NBN: variants seen among roughly 807,000 people sequenced by gnomAD.
NBN encodes the protein nibrin.
Under a neutral mutation model 90.8 loss-of-function variants are expected in NBN, and 88 were observed. That is an observed-to-expected ratio of 0.97 (90% confidence interval 0.82 to 1.16). The LOEUF is 1.16. NBN is among the 50% of genes most tolerant of loss of function. NBN has a pLI of 0.00. For synonymous variants in NBN, 328 were observed against 295.1 expected, an observed-to-expected ratio of 1.11 and a Z score of -1.14; for missense variants, 894 against 869.6, an observed-to-expected ratio of 1.03 and a Z score of -0.35.
intron 11 of NBN, among the ~76,000 whole-genome samples, chr8:89,952,326 A>AT (rs1338919596): frequency 1.3e-5 from 2 of 152,194 alleles, no homozygotes; most frequent in Middle Eastern, 3.2e-3. Flanking sequence ...CTGGGAATCT[A>AT]TATTTTAGAA....
rs1811453358 is a variant in NBN at position 89,970,413 on chromosome 8, G to A, written c.847C>T (p.Pro283Ser). Residue 283 changes from proline (P) to serine (S), a missense_variant, in exon 7 of 16, where the codon CCT becomes TCT. Transcript: ENST00000265433. ...TGAATCCATTTCTTCTGACAGTCAGGAATTAAGGTCTGTGAGTTTGTTATT... is the reference window on the plus strand; with the variant it reads ...TGAATCCATTTCTTCTGACAGTCAGAAATTAAGGTCTGTGAGTTTGTTATT... ...TGITNSQTLI[P>S]DCQKKWIQSI... 3 of 1,613,898 alleles carry A rather than the reference G, an allele frequency of 1.9e-6. No homozygotes were observed. The East Asian group carries it at 6.7e-5, about 36-fold the overall frequency.
chr8:89,983,694 G>GTA (rs1484105784), intron 1 of NBN, among the ~76,000 whole-genome samples: 2 of 152,174 alleles, frequency 1.3e-5, no homozygotes, highest in Non-Finnish European at 2.9e-5. Flanking sequence ...TGGAGTAACA[G>GTA]TATATATATT....
At position 89,958,712 on chromosome 8, in the gene NBN, G is replaced by A; in HGVS notation, c.1124+13C>T. On this transcript the variant is annotated intron_variant, in intron 9 of 15. Transcript: ENST00000265433. ...AGAATAATAACAATAGTACGGTAAT[G>A]AAGAAGCTTTACCATGTATCTGCTT... 1.2e-6 allele frequency: 2 copies of A among 1,611,970 alleles called. No homozygotes were observed. The highest frequency in any genetic ancestry group is 8.5e-7 in the Non-Finnish European group (1 of 1,178,192).
intron 1 of NBN, among the ~76,000 whole-genome samples, chr8:89,983,431 CAAA>C (rs35054147): frequency 8.2e-6 from 1 of 121,282 alleles, no homozygotes; most frequent in Admixed American, 8.3e-5. Context: ...GACTCCGTCT[CAAA>C]AAAAAAAAAA....
intron 7 of NBN, among the ~76,000 whole-genome samples, chr8:89,969,250 A>T (rs1406836963): frequency 6.6e-6 from 1 of 152,264 alleles, no homozygotes; most frequent in African/African-American, 2.4e-5. Context: ...TTAAAGTCTA[A>T]GAAAAATCCT....
At chr8:89,958,958 T>C (rs1394830277) in intron 8 of NBN, 104 bp from the exon 9 acceptor site, 1 of 1,414,558 alleles carries the variant, frequency 7.1e-7, no homozygotes, top group Non-Finnish European at 9.9e-7. Flanking sequence ...GGGGATTAAC[T>C]AGGGAATACT....
chr8:89,965,783 C>T (rs1326987843), intron 7 of NBN, among the ~76,000 whole-genome samples: 3 of 152,132 alleles, frequency 2.0e-5, no homozygotes, highest in African/African-American at 7.2e-5. Context: ...AACCACCTTG[C>T]TCAGTCAAGA....
chr8:89,949,712 C>G (rs1810352375), intron 11 of NBN, among the ~76,000 whole-genome samples: 1 of 152,172 alleles, frequency 6.6e-6, no homozygotes, highest in Non-Finnish European at 1.5e-5. Flanking sequence ...CCATCAACAT[C>G]TATTGGAAAG....
At chr8:89,949,995 C>T (rs1416561044) in intron 11 of NBN, among the ~76,000 whole-genome samples, 1 of 152,170 alleles carries the variant, frequency 6.6e-6, no homozygotes, top group Admixed American at 6.5e-5. Context: ...ATGTCAATTT[C>T]CTGGTTGTGA....
intron 7 of NBN, among the ~76,000 whole-genome samples, chr8:89,966,480 G>A (rs552774829): frequency 2.0e-5 from 3 of 152,136 alleles, no homozygotes; most frequent in Admixed American, 2.0e-4. Context: ...TACTAGCTAG[G>A]AATAAATACA....
At chr8:89,964,108 T>C (rs1811126749) in intron 8 of NBN, among the ~76,000 whole-genome samples, 1 of 152,180 alleles carries the variant, frequency 6.6e-6, no homozygotes, top group East Asian at 1.9e-4. Context: ...GTTTTACCTG[T>C]CTTTATACTT....
chr8:89,955,098 G>A (rs1344499244), intron 10 of NBN, among the ~76,000 whole-genome samples, 185 bp downstream of exon 10: 1 of 151,014 alleles, frequency 6.6e-6, no homozygotes, highest in African/African-American at 2.4e-5. Context: ...AGGAGATGAA[G>A]GAGAAACTGT....
chr8:89,934,323 C>A lies in NBN; in HGVS notation c.*1259G>T, dbSNP rs1809564632. ...TAACTCTCTATAATATTTCAATAAT[C>A]TAACTGGTCTCAATGCCTGTAGTAG... On this transcript the variant is annotated 3_prime_UTR_variant, in exon 16 of 16. Coordinates refer to ENST00000265433, the MANE Select transcript of NBN (RefSeq NM_002485.5). 8.6e-6 allele frequency: 2 copies of A among 232,688 alleles called. No individual in the cohort carries two copies. Among genetic ancestry groups the A allele is most frequent in the Non-Finnish European group, 1.7e-5 (2 of 117,772 alleles). The allele number at this position is 232,688 out of a possible 1,614,324, so 14.4% of individuals were successfully genotyped here. A position where few individuals can be genotyped will look rare whatever the true frequency, so the allele number is the denominator to read the frequency against.
intron 12 of NBN, 77 bp from the exon 13 acceptor site, chr8:89,946,372 T>G: frequency 5.3e-6 from 7 of 1,310,708 alleles, no homozygotes; most frequent in South Asian, 1.2e-5. Context: ...TGGGAATCTA[T>G]AGAAAAAAGT....
At chr8:89,947,086 T>A (rs1358470262) in intron 12 of NBN, among the ~76,000 whole-genome samples, 2 of 152,210 alleles carry the variant, frequency 1.3e-5, no homozygotes, top group African/African-American at 4.8e-5. Context: ...AAGGTTCATC[T>A]GATAGTGACA....
chr8:89,945,930 T>C (rs973358931), intron 13 of NBN, among the ~76,000 whole-genome samples: 4 of 152,150 alleles, frequency 2.6e-5, no homozygotes, highest in African/African-American at 4.8e-5. Flanking sequence ...CTCTAAAGAA[T>C]TCAATCTTGA....
At position 89,983,163 on chromosome 8, in the gene NBN, T is replaced by C. The variant is rs13312853; in HGVS notation, c.38-308A>G. Among the ~76,000 whole-genome samples the C allele has an allele frequency of 0.021, 3,147 of 152,258 alleles. 96 individuals are homozygous for C. Among genetic ancestry groups the C allele is most frequent in the African/African-American group, 0.07 (2,912 of 41,554 alleles). On this transcript the variant is annotated intron_variant, in intron 1 of 15. Transcript: ENST00000265433. ...CAGATAGAAGGCTACATCATTTTTC[T>C]AAAGGGAAAGCAATGCTGAAAGGAG...
chr8:89,983,436 A>C (rs879325800), intron 1 of NBN, among the ~76,000 whole-genome samples: 3 of 152,076 alleles, frequency 2.0e-5, no homozygotes, highest in Non-Finnish European at 4.4e-5. Flanking sequence ...CGTCTCAAAA[A>C]AAAAAAAAAA....
intron 1 of NBN, among the ~76,000 whole-genome samples, chr8:89,983,636 G>C (rs1019425967): frequency 2.0e-5 from 3 of 152,116 alleles, no homozygotes; most frequent in Non-Finnish European, 4.4e-5. Flanking sequence ...CCAATCAGTG[G>C]GAAAGGGTTA....
Sources: allele counts gnomAD v4.1 joint callset (sites outside exome capture counted in the v4.1 genomes callset), GRCh38; gene constraint gnomAD v4.1.1; transcripts MANE v1.5; gene names NCBI Gene and HGNC (gene_info 2026-07-23, HGNC 2026-07-21).